Variants in FAM13A observed in about 807,000 individuals in gnomAD.
FAM13A encodes the protein family with sequence similarity 13 member A.
In FAM13A, 76 loss-of-function variants were observed where a neutral mutation model predicts 129.6. That is an observed-to-expected ratio of 0.59 (90% CI 0.49 to 0.71). The LOEUF is 0.71. Ranked by LOEUF, FAM13A falls within the 30% of genes least tolerant of loss-of-function variation. FAM13A has a pLI of 0.00. For missense variants in FAM13A, 1,108 were observed against 1,249.3 expected (o/e 0.89, Z 1.70); for synonymous variants, 443 against 449.9 (o/e 0.98, Z 0.20).
intron 8 of FAM13A, among the ~76,000 whole-genome samples, chr4:88,800,670 G>A (rs375785868): frequency 6.3e-5 from 9 of 143,466 alleles, no homozygotes; most frequent in East Asian, 4.0e-4. Context: ...GGGCGACAGA[G>A]TGAGACTCCA....
intron 6 of FAM13A, among the ~76,000 whole-genome samples, chr4:88,896,162 T>C (rs1171739064): frequency 6.6e-6 from 1 of 151,692 alleles, no homozygotes; most frequent in East Asian, 1.9e-4. Context: ...CAGTAAACTA[T>C]AGCAAGAACA....
At chr4:88,752,605 G>A (rs1288183261) in intron 14 of FAM13A, among the ~76,000 whole-genome samples, 1 of 152,144 alleles carries the variant, frequency 6.6e-6, no homozygotes, top group East Asian at 1.9e-4. Flanking sequence ...GGCTAAAGCT[G>A]GACACGAACA....
At chr4:88,952,947 C>CAAAT (rs546940049) in intron 4 of FAM13A, among the ~76,000 whole-genome samples, 3,734 of 152,020 alleles carry the variant, frequency 0.025, 67 homozygotes, top group Non-Finnish European at 0.036. Context: ...GACTCTGTCT[C>CAAAT]AAATAAATAA....
chr4:88,827,975 C>T (rs894679087), intron 7 of FAM13A, among the ~76,000 whole-genome samples: 1 of 152,204 alleles, frequency 6.6e-6, no homozygotes, highest in Non-Finnish European at 1.5e-5. Flanking sequence ...GAGGAAACAA[C>T]TCCAGATATG....
In FAM13A at chr4:88,760,521, G is replaced by A. The variant is rs1209158811; in HGVS notation, c.1579-1620C>T. Among the ~76,000 whole-genome samples the A allele has an allele frequency of 1.5e-4, 11 of 73,938 alleles. 3 individuals carry two copies. The highest frequency in any genetic ancestry group is 3.1e-4 in the Non-Finnish European group (8 of 26,110). The allele number at this position is 73,938 out of a possible 152,430, so 48.5% of individuals were successfully genotyped here. A position where few individuals can be genotyped will look rare whatever the true frequency, so the allele number is the denominator to read the frequency against. The stretch of plus-strand genomic sequence containing the variant: ...CGGGAGGCTGAGGCAGGAGAATGGC[G>A]TGAACCCGGGAGGCGGAGCTTGCAG... On this transcript the variant is annotated intron_variant, in intron 13 of 23. Transcript: ENST00000264344.
At chr4:88,991,992 C>A (rs1024697876) in intron 3 of FAM13A, among the ~76,000 whole-genome samples, 2 of 152,134 alleles carry the variant, frequency 1.3e-5, no homozygotes, top group African/African-American at 2.4e-5. Flanking sequence ...CCTTAGCCTG[C>A]CTTCAGCAAG....
intron 3 of FAM13A, among the ~76,000 whole-genome samples, chr4:89,006,465 G>A (rs1560763829): frequency 6.6e-6 from 1 of 152,186 alleles, no homozygotes; most frequent in Admixed American, 6.5e-5. Context: ...TGCAACAGGG[G>A]TGTGGCTTGC....
intron 1 of FAM13A, among the ~76,000 whole-genome samples, chr4:89,045,724 AAAG>A (rs765578592): frequency 2.0e-5 from 3 of 152,296 alleles, no homozygotes; most frequent in Non-Finnish European, 4.4e-5. Flanking sequence ...ATATTTATGG[AAAG>A]AAAGTATGAG....
intron 18 of FAM13A, among the ~76,000 whole-genome samples, chr4:88,747,222 T>C (rs996851987): frequency 6.6e-6 from 1 of 152,184 alleles, no homozygotes; most frequent in Non-Finnish European, 1.5e-5. Flanking sequence ...ATCAGCCACC[T>C]GGATCTCCCT....
intron 6 of FAM13A, among the ~76,000 whole-genome samples, chr4:88,866,599 C>A (rs867085226): frequency 5.9e-5 from 9 of 152,100 alleles, no homozygotes; most frequent in Non-Finnish European, 8.8e-5. Flanking sequence ...CAAATATGCA[C>A]AGTCCAGAAT....
At chr4:88,798,715 G>T (rs1356289489) in intron 8 of FAM13A, among the ~76,000 whole-genome samples, 1 of 152,180 alleles carries the variant, frequency 6.6e-6, no homozygotes, top group South Asian at 2.1e-4. Flanking sequence ...TCTAGAGTTT[G>T]TCTTTTATAT....
intron 5 of FAM13A, among the ~76,000 whole-genome samples, chr4:88,906,968 T>C (rs1008233782): frequency 6.6e-6 from 1 of 152,226 alleles, no homozygotes. Flanking sequence ...GAAGAATATA[T>C]GAGTATCTGT....
At chr4:88,787,264 A>G (rs1451241602) in intron 10 of FAM13A, among the ~76,000 whole-genome samples, 2 of 152,202 alleles carry the variant, frequency 1.3e-5, no homozygotes, top group African/African-American at 4.8e-5. Flanking sequence ...GAGTAGATTT[A>G]AGCCCAACCT....
intron 6 of FAM13A, among the ~76,000 whole-genome samples, chr4:88,896,725 T>A (rs1422895880): frequency 6.6e-6 from 1 of 152,232 alleles, no homozygotes; most frequent in African/African-American, 2.4e-5. Flanking sequence ...TTATCCCGCA[T>A]CTTATAGTTA....
chr4:88,820,107 G>C (rs1346669064), intron 7 of FAM13A, among the ~76,000 whole-genome samples: 1 of 152,122 alleles, frequency 6.6e-6, no homozygotes, highest in Non-Finnish European at 1.5e-5. Context: ...CTACAGATTA[G>C]CAGTAACAAC....
At chr4:88,768,089 T>TTTA in intron 11 of FAM13A, 30 bp from the exon 12 acceptor site, 1 of 1,342,878 alleles carries the variant, frequency 7.4e-7, no homozygotes, top group Non-Finnish European at 1.1e-6. Context: ...GGTTGCCTAA[T>TTTA]AGGAATGGTA....
chr4:88,751,330 C>T (rs1404757048), intron 14 of FAM13A, among the ~76,000 whole-genome samples: 2 of 152,130 alleles, frequency 1.3e-5, no homozygotes, highest in Non-Finnish European at 2.9e-5. Context: ...ACATCCTTCA[C>T]CAAACAACCG....
chr4:88,757,371 T>A (rs1300938707), intron 14 of FAM13A, among the ~76,000 whole-genome samples: 1 of 152,176 alleles, frequency 6.6e-6, no homozygotes, highest in Non-Finnish European at 1.5e-5. Flanking sequence ...GACACAAATA[T>A]AACATTTATT....
intron 6 of FAM13A, among the ~76,000 whole-genome samples, chr4:88,888,034 C>T (rs1364796875): frequency 6.6e-6 from 1 of 152,118 alleles, no homozygotes; most frequent in African/African-American, 2.4e-5. Flanking sequence ...CAGAATTTAT[C>T]TTCTAATACT....
Sources: allele counts gnomAD v4.1 joint callset (sites outside exome capture counted in the v4.1 genomes callset), GRCh38; gene constraint gnomAD v4.1.1; transcripts MANE v1.5; gene names NCBI Gene and HGNC (gene_info 2026-07-23, HGNC 2026-07-21).